The following MAMDC2 variants were observed in gnomAD, a reference collection of about 807,000 sequenced individuals.
MAMDC2 encodes MAM domain-containing protein 2.
In MAMDC2, 57 loss-of-function variants were observed where a neutral mutation model predicts 89.8. The ratio of observed to expected loss-of-function variants is 0.63; its 90% confidence interval spans 0.51 to 0.79. The LOEUF is 0.79. MAMDC2 is among the 30% of genes least tolerant of loss of function. The pLI, the probability that MAMDC2 is intolerant of heterozygous loss-of-function variation, is 0.00. For missense variants in MAMDC2, 800 were observed against 820.6 expected (o/e 0.97, Z 0.31); for synonymous variants, 313 against 293.4 (o/e 1.07, Z -0.68).
At chr9:70,171,407 G>A (rs1477800933) in intron 11 of MAMDC2, among the ~76,000 whole-genome samples, 1 of 152,070 alleles carries the variant, frequency 6.6e-6, no homozygotes, top group Admixed American at 6.6e-5. Flanking sequence ...GGCTGAGGCA[G>A]GAGGATTGCT....
intron 2 of MAMDC2, among the ~76,000 whole-genome samples, chr9:70,095,226 A>T (rs1041174242): frequency 6.6e-6 from 1 of 152,184 alleles, no homozygotes; most frequent in Non-Finnish European, 1.5e-5. Flanking sequence ...TAAATTGAGG[A>T]CAATGGGGAC....
chr9:70,163,043 G>A (rs75494122), intron 9 of MAMDC2, among the ~76,000 whole-genome samples: 10,457 of 152,054 alleles, frequency 0.069, 570 homozygotes, highest in East Asian at 0.22. Context: ...TTGAAAGGGA[G>A]AAAGATGAAA....
rs772632291 is a variant in MAMDC2 at position 70,226,058 on chromosome 9, G to C, written c.*26G>C. On this transcript the variant is annotated 3_prime_UTR_variant, in exon 14 of 14. Transcript: ENST00000377182. ...GAAATGATCTGCATTGGATTTACTA[G>C]ACGAAAACCATACCTCTCTTCAATC... 2.0e-5 allele frequency: 27 copies of C among 1,334,242 alleles called. No individual in the cohort carries two copies. The Admixed American group carries it at 5.6e-4, about 27-fold the overall frequency. The allele number at this position is 1,334,242 out of a possible 1,614,324, so 82.7% of individuals were successfully genotyped here.
At chr9:70,049,940 C>G (rs1826854618) in intron 2 of MAMDC2, among the ~76,000 whole-genome samples, 1 of 151,858 alleles carries the variant, frequency 6.6e-6, no homozygotes, top group African/African-American at 2.4e-5. Flanking sequence ...GTCAGGCAGC[C>G]CTTGGACATT....
Position 70,225,977 on chromosome 9 carries a change from A to G in MAMDC2, c.2006A>G (p.Asp669Gly), listed in dbSNP as rs779416228. 12 of 1,579,566 alleles carry G rather than the reference A, an allele frequency of 7.6e-6. No individual in the cohort carries two copies. In the East Asian group the frequency reaches 2.7e-4, roughly 36 times the overall value. The change falls in exon 14 of 14, where the codon GAT (aspartate) becomes GGT (glycine). Residue 669 changes from aspartate (D) to glycine (G), a missense_variant. Coordinates refer to ENST00000377182, the MANE Select transcript of MAMDC2 (RefSeq NM_153267.5). ...TTGTCTTTCCTGACAGAAATGGAAG[A>G]TACAACTCAACAATCATCAGGATAT... is the stretch of plus-strand genomic sequence containing the variant. ...FQAGPCGEME[D>G]TTQQSSGYSE... is the part of the protein sequence containing the mutation.
chr9:70,044,362 C>T (rs1205098537), intron 1 of MAMDC2, 131 bp downstream of exon 1: 1 of 1,077,120 alleles, frequency 9.3e-7, no homozygotes, highest in Admixed American at 2.3e-5. Flanking sequence ...TCCGCAGCCG[C>T]TAACTCCCTC....
At chr9:70,060,578 C>A (rs562919237) in intron 2 of MAMDC2, 1 of 152,286 alleles carries the variant, frequency 6.6e-6, no homozygotes, top group East Asian at 1.9e-4. Flanking sequence ...AACAGGATAG[C>A]ATTTTCTTCT....
intron 2 of MAMDC2, among the ~76,000 whole-genome samples, chr9:70,106,987 A>G (rs939439158): frequency 6.6e-6 from 1 of 152,202 alleles, no homozygotes; most frequent in African/African-American, 2.4e-5. Context: ...AGCAAAACAA[A>G]GAGGCTTTTC....
intron 2 of MAMDC2, among the ~76,000 whole-genome samples, chr9:70,069,474 A>C (rs571123238): frequency 6.6e-6 from 1 of 152,212 alleles, no homozygotes; most frequent in Non-Finnish European, 1.5e-5. Context: ...AAGGCTTGTC[A>C]TTGTAAACAC....
chr9:70,170,428 A>G, intron 10 of MAMDC2, 51 bp from the exon 11 acceptor site: 2 of 1,546,642 alleles, frequency 1.3e-6, no homozygotes, highest in Non-Finnish European at 1.7e-6. Context: ...CTAGCAACAC[A>G]GAGTCATTGA....
At chr9:70,191,296 T>C (rs1469154218) in intron 11 of MAMDC2, among the ~76,000 whole-genome samples, 1 of 152,172 alleles carries the variant, frequency 6.6e-6, no homozygotes, top group Non-Finnish European at 1.5e-5. Context: ...AGGTTCCATA[T>C]TCCTCCCTGA....
chr9:70,055,655 C>A lies in MAMDC2; in HGVS notation c.148+10958C>A, dbSNP rs181189967. Among the ~76,000 whole-genome samples, 7 of 152,270 alleles carry A rather than the reference C, an allele frequency of 4.6e-5. No individual in the cohort carries two copies. In the East Asian group the frequency reaches 1.4e-3, roughly 29 times the overall value. On this transcript the variant is annotated intron_variant, in intron 2 of 13. Transcript: ENST00000377182. ...GTGTGTCTCCCGGGCAGTGGTGAGC[C>A]TTTGGAAGGCATCAAGTAGAGACAG...
At chr9:70,053,676 G>A (rs1437762069) in intron 2 of MAMDC2, among the ~76,000 whole-genome samples, 1 of 152,186 alleles carries the variant, frequency 6.6e-6, no homozygotes, top group African/African-American at 2.4e-5. Context: ...TTGGGCAAGA[G>A]TAATACAGAG....
chr9:70,209,763 T>C (rs1160263655), intron 11 of MAMDC2, among the ~76,000 whole-genome samples: 1 of 152,232 alleles, frequency 6.6e-6, no homozygotes, highest in Non-Finnish European at 1.5e-5. Context: ...CTTTCTCTTG[T>C]GGGCATTTAG....
At chr9:70,198,131 G>A (rs2033009987) in intron 11 of MAMDC2, among the ~76,000 whole-genome samples, 1 of 147,312 alleles carries the variant, frequency 6.8e-6, no homozygotes. Context: ...TAAGTACATA[G>A]TATAGAAAAA....
Position 70,226,711 on chromosome 9 carries a change from A to G in MAMDC2, c.*679A>G, listed in dbSNP as rs181226307. The G allele has an allele frequency of 6.6e-6, 1 of 152,350 alleles. No homozygotes were observed. Among genetic ancestry groups the G allele is most frequent in the East Asian group, 1.9e-4 (1 of 5,186 alleles). The allele number at this position is 152,350 out of a possible 1,614,324, so 9.4% of individuals were successfully genotyped here. ...CTACCTTTGAAGTCACTATGAGCAC[A>G]TGGATAGAAATTTAACTTTTTTTTG... is the stretch of plus-strand genomic sequence containing the variant. On this transcript the variant is annotated 3_prime_UTR_variant, in exon 14 of 14. Coordinates refer to ENST00000377182, the MANE Select transcript of MAMDC2 (RefSeq NM_153267.5).
chr9:70,192,505 T>G (rs2032900416), intron 11 of MAMDC2, among the ~76,000 whole-genome samples: 1 of 152,130 alleles, frequency 6.6e-6, no homozygotes, highest in Admixed American at 6.6e-5. Context: ...TAAGATTACC[T>G]TATTCCACGG....
chr9:70,044,639 G>C lies in MAMDC2; in HGVS notation c.90G>C (p.Glu30Asp), dbSNP rs1269631976. The change falls in exon 2 of 14, where the codon GAG becomes GAC. Residue 30 changes from glutamate (E) to aspartate (D), a missense_variant. Physicochemically the swap from Glu to Asp is conservative, Grantham distance 45. Transcript: ENST00000377182. ...CCGCTGGGTCCTGTGCCTTTGAAGAGAGCACTTGCGGCTTTGACTCCGTGT... is the reference window on the plus strand; with the variant it reads ...CCGCTGGGTCCTGTGCCTTTGAAGACAGCACTTGCGGCTTTGACTCCGTGT... ...DLPAGSCAFE[E>D]STCGFDSVLA... 6.4e-6 allele frequency: 10 copies of C among 1,551,592 alleles called. No individual in the cohort carries two copies. Among genetic ancestry groups the C allele is most frequent in the Non-Finnish European group, 8.7e-6 (10 of 1,146,996 alleles).
chr9:70,113,834 C>G (rs748560660), intron 5 of MAMDC2: 2 of 152,242 alleles, frequency 1.3e-5, no homozygotes, highest in Non-Finnish European at 2.9e-5. Context: ...AAGGTCTCCA[C>G]GGAGTGAGAA....
Sources: gnomAD v4.1 joint callset for allele counts (sites outside exome capture counted in the v4.1 genomes callset) on GRCh38, gnomAD v4.1.1 for gene constraint, MANE v1.5 for transcripts, NCBI Gene and HGNC (gene_info 2026-07-23, HGNC 2026-07-21) for gene names.